The following ZEB1 variants were observed in gnomAD, a reference collection of about 807,000 sequenced individuals.
The protein encoded by ZEB1 is zinc finger E-box-binding homeobox 1.
A neutral mutation model predicts 84.9 loss-of-function variants in ZEB1; 21 were observed. The ratio of observed to expected loss-of-function variants is 0.25; its 90% CI spans 0.18 to 0.36. The LOEUF is 0.36. Among genes scored for constraint, ZEB1 ranks in the 10% least tolerant of loss-of-function variants. The pLI is 1.00. For synonymous variants in ZEB1, 420 were observed against 471.1 expected (o/e 0.89, Z 1.41); for missense variants, 1,104 against 1,330.2 (o/e 0.83, Z 2.65).
chr10:31,363,724 G>T (rs2043850246), intron 1 of ZEB1: 5 of 1,192,082 alleles, frequency 4.2e-6, no homozygotes, highest in Admixed American at 2.0e-5. Context: ...GGAGTTGTGA[G>T]GAGACAGCAC....
chr10:31,444,347 C>A (rs933751251), intron 1 of ZEB1, among the ~76,000 whole-genome samples: 2 of 148,332 alleles, frequency 1.3e-5, no homozygotes, highest in African/African-American at 5.0e-5. Flanking sequence ...CAAAAATTTT[C>A]TCCCATTTTG....
chr10:31,331,949 A>G (rs1016992545), intron 1 of ZEB1, among the ~76,000 whole-genome samples: 1 of 152,216 alleles, frequency 6.6e-6, no homozygotes, highest in African/African-American at 2.4e-5. Context: ...TCTTGAAGCA[A>G]AGAGTGACAT....
rs375357727 is a variant in ZEB1, at chr10:31,325,609, A to G, written c.58+6317A>G. Reference sequence around the variant, plus strand: ...CAGTAACAACTACATCTGTGCTGAAATTATTCATAACAGATGTTTTGTGAT... The same window carrying G: ...CAGTAACAACTACATCTGTGCTGAAGTTATTCATAACAGATGTTTTGTGAT... On this transcript the variant is annotated intron_variant, in intron 1 of 8. Coordinates refer to ENST00000424869, the MANE Select transcript of ZEB1 (RefSeq NM_001174096.2). Among the ~76,000 whole-genome samples the G allele has an allele frequency of 9.4e-4, 143 of 152,180 alleles. 2 individuals carry two copies. The highest frequency in any genetic ancestry group is 3.4e-3 in the African/African-American group (140 of 41,558).
rs1445771236 is a variant in ZEB1, at chr10:31,528,766, A to T, written c.*1502A>T. ...TGATAAGATTTAAAGTAGAGATGCA[A>T]TTGGTTCTCCTGCATTGAGATTTGA... On this transcript the variant is annotated 3_prime_UTR_variant, in exon 9 of 9. Coordinates refer to ENST00000424869, the MANE Select transcript of ZEB1 (RefSeq NM_001174096.2). 1 of 152,184 alleles carries T rather than the reference A, an allele frequency of 6.6e-6. No homozygotes were observed. Among genetic ancestry groups the T allele is most frequent in the Non-Finnish European group, 1.5e-5 (1 of 68,032 alleles). 9.4% of individuals were successfully genotyped at this position (152,184 alleles called of 1,614,324 possible). A position where few individuals can be genotyped will look rare whatever the true frequency, so the allele number is the denominator to read the frequency against.
chr10:31,516,600 A>G (rs1364782942), intron 6 of ZEB1, among the ~76,000 whole-genome samples: 2 of 145,178 alleles, frequency 1.4e-5, no homozygotes, highest in Non-Finnish European at 3.0e-5. Context: ...AAAAAGGACT[A>G]TTCTTCCTTC....
At chr10:31,462,264 G>A (rs2061906643) in intron 2 of ZEB1, among the ~76,000 whole-genome samples, 1 of 152,122 alleles carries the variant, frequency 6.6e-6, no homozygotes, top group South Asian at 2.1e-4. Context: ...GTTAACAAGG[G>A]ACTTTTGAAA....
intron 1 of ZEB1, among the ~76,000 whole-genome samples, chr10:31,333,832 A>G (rs969538462): frequency 2.2e-4 from 33 of 152,110 alleles, no homozygotes; most frequent in Non-Finnish European, 4.7e-4. Flanking sequence ...CTTAAAAAGC[A>G]TATTCTCGCT....
intron 1 of ZEB1, among the ~76,000 whole-genome samples, chr10:31,341,946 C>T (rs906193365): frequency 6.6e-6 from 1 of 152,132 alleles, no homozygotes; most frequent in Non-Finnish European, 1.5e-5. Context: ...CCAGATGGTA[C>T]AGTAAAAGTT....
At chr10:31,340,110 A>G (rs2039058226) in intron 1 of ZEB1, among the ~76,000 whole-genome samples, 1 of 152,174 alleles carries the variant, frequency 6.6e-6, no homozygotes, top group Non-Finnish European at 1.5e-5. Context: ...ATGTTACTCC[A>G]TAATTTATTT....
chr10:31,467,463 A>AACC (rs965298365), intron 2 of ZEB1, among the ~76,000 whole-genome samples: 6 of 152,166 alleles, frequency 3.9e-5, no homozygotes, highest in African/African-American at 1.4e-4. Flanking sequence ...GGTGAATCTA[A>AACC]ACCACACACG....
intron 1 of ZEB1, among the ~76,000 whole-genome samples, chr10:31,443,350 A>C (rs1177969309): frequency 2.7e-5 from 4 of 148,700 alleles, no homozygotes; most frequent in Non-Finnish European, 3.0e-5. Context: ...TATGGGTTTC[A>C]TTTCATGCTT....
intron 1 of ZEB1, among the ~76,000 whole-genome samples, chr10:31,349,395 C>A (rs1470790474): frequency 6.6e-6 from 1 of 152,094 alleles, no homozygotes; most frequent in Admixed American, 6.5e-5. Context: ...AGTACAGATA[C>A]CTCATCAACA....
Position 31,361,880 on chromosome 10 carries a change from C to T in ZEB1, c.58+42588C>T, listed in dbSNP as rs1464948196. ...GGCACTCCTCGCTTCGCAGACGGGA[C>T]GGCGGCAAGGCAGGGGCACTCCTCA... is the stretch of plus-strand genomic sequence containing the variant. On this transcript the variant is annotated intron_variant, in intron 1 of 8. Coordinates refer to ENST00000424869, the MANE Select transcript of ZEB1 (RefSeq NM_001174096.2). 5.5e-5 allele frequency among the ~76,000 whole-genome samples: 8 copies of T among 144,732 alleles called. No homozygotes were observed. In the East Asian group the frequency reaches 6.4e-4, roughly 12 times the overall value. 94.9% of individuals were successfully genotyped at this position (144,732 alleles called of 152,430 possible). A position where few individuals can be genotyped will look rare whatever the true frequency, so the allele number is the denominator to read the frequency against.
At chr10:31,450,118 T>G (rs1297303230) in intron 1 of ZEB1, among the ~76,000 whole-genome samples, 1 of 152,212 alleles carries the variant, frequency 6.6e-6, no homozygotes, top group Non-Finnish European at 1.5e-5. Context: ...TGTGTAGCAT[T>G]TGGATCAAAA....
At chr10:31,352,166 T>C (rs1379328159) in intron 1 of ZEB1, among the ~76,000 whole-genome samples, 11 of 152,222 alleles carry the variant, frequency 7.2e-5, no homozygotes, top group Admixed American at 7.2e-4. Flanking sequence ...GTTGCCCTTA[T>C]TTTCATAAGA....
chr10:31,445,196 T>TAAG (rs1483229100), intron 1 of ZEB1, among the ~76,000 whole-genome samples: 2 of 146,368 alleles, frequency 1.4e-5, no homozygotes, highest in African/African-American at 5.5e-5. Context: ...GGGAGTTCAC[T>TAAG]CATGATTTGG....
chr10:31,461,317 G>T, intron 2 of ZEB1, 80 bp downstream of exon 2: 8 of 1,427,444 alleles, frequency 5.6e-6, no homozygotes, highest in Non-Finnish European at 7.7e-6. Flanking sequence ...AGATAAATTG[G>T]ATGAAAAGTT....
At chr10:31,492,768 T>A (rs1436678675) in intron 2 of ZEB1, among the ~76,000 whole-genome samples, 1 of 151,924 alleles carries the variant, frequency 6.6e-6, no homozygotes, top group Non-Finnish European at 1.5e-5. Context: ...TATGTTATCC[T>A]GCAAATGATA....
intron 1 of ZEB1, among the ~76,000 whole-genome samples, chr10:31,339,392 A>G (rs866661065): frequency 1.6e-4 from 24 of 152,170 alleles, no homozygotes; most frequent in African/African-American, 3.4e-4. Flanking sequence ...GTCTCTTTGC[A>G]CATGTGTGGC....
Sources: gnomAD v4.1 joint callset for allele counts (sites outside exome capture counted in the v4.1 genomes callset) on GRCh38, gnomAD v4.1.1 for gene constraint, MANE v1.5 for transcripts, NCBI Gene and HGNC (gene_info 2026-07-23, HGNC 2026-07-21) for gene names.